The following GPX1 variants were observed in gnomAD, a reference collection of about 807,000 sequenced individuals.
GPX1 encodes GSHPx-1.
Under a neutral mutation model 11.5 loss-of-function variants are expected in GPX1, and 8 were observed. The ratio of observed to expected loss-of-function variants is 0.70; its 90% confidence interval spans 0.41 to 1.25. The LOEUF is 1.25. Among genes scored for constraint, GPX1 ranks in the 50% most tolerant of loss-of-function variants. GPX1 has a pLI of 0.01. For synonymous variants in GPX1, 142 were observed against 127.8 expected (o/e 1.11, Z -0.75); for missense variants, 266 against 284.3 (o/e 0.94, Z 0.46).
rs1484961932 is a variant in GPX1, at chr3:49,358,135, G to A, written c.144C>T (p.Leu48=). 9.3e-6 allele frequency: 15 copies of A among 1,609,276 alleles called. No homozygotes were observed. Among genetic ancestry groups the A allele is most frequent in the Non-Finnish European group, 1.3e-5 (15 of 1,178,912 alleles). Residue 48 remains leucine, a synonymous_variant, in exon 1 of 2, where the codon CTC becomes CTT. Transcript: ENST00000419783. ...KVLLIENVAS[L]UGTTVRDYTQ... Reference sequence around the variant, plus strand: ...TGTAGTCCCGGACCGTGGTGCCTCAGAGGGACGCCACATTCTCGATAAGTA... The same window carrying A: ...TGTAGTCCCGGACCGTGGTGCCTCAAAGGGACGCCACATTCTCGATAAGTA...
In GPX1 at chr3:49,357,496, C is replaced by T; in HGVS notation, c.504G>A (p.Leu168=). 1 of 1,613,754 alleles carries T rather than the reference C, an allele frequency of 6.2e-7. No homozygotes were observed. The highest frequency in any genetic ancestry group is 8.5e-7 in the Non-Finnish European group (1 of 1,179,868). The stretch of plus-strand genomic sequence containing the variant: ...GTAGGGGCACACCGTCAGGGCCCAC[C>T]AGGAACTTCTCAAAGTTCCAGGCAA... ...NDVAWNFEKF[L]VGPDGVPLRR... is the part of the protein sequence containing the mutation. The change falls in exon 2 of 2, where the codon CTG becomes CTA. Residue 168 remains leucine (L), a synonymous_variant. Transcript: ENST00000419783.
Position 49,357,464 on chromosome 3 carries a change from T to C in GPX1, c.536A>G (p.Tyr179Cys), listed in dbSNP as rs1411098660. The change falls in exon 2 of 2, where the codon TAC (tyrosine) becomes TGC (cysteine). Residue 179 changes from tyrosine to cysteine, a missense_variant. Physicochemically the swap from Tyr to Cys is radical, Grantham distance 194 (BLOSUM62 -2). Coordinates refer to ENST00000419783, the MANE Select transcript of GPX1 (RefSeq NM_000581.4). ...VGPDGVPLRR[Y>C]SRRFQTIDIE... Reference sequence around the variant, plus strand: ...GTCAATGGTCTGGAAGCGGCGGCTGTACCTGCGTAGGGGCACACCGTCAGG... The same window carrying C: ...GTCAATGGTCTGGAAGCGGCGGCTGCACCTGCGTAGGGGCACACCGTCAGG... 1.2e-6 allele frequency: 2 copies of C among 1,613,056 alleles called. No homozygotes were observed. Among genetic ancestry groups the C allele is most frequent in the African/African-American group, 2.7e-5 (2 of 74,888 alleles).
intron 1 of GPX1, 104 bp downstream of exon 1, chr3:49,357,923 A>G (rs374515833): frequency 6.7e-7 from 1 of 1,484,446 alleles, no homozygotes; most frequent in East Asian, 2.4e-5. Flanking sequence ...GAGAGTAGCC[A>G]GACTCTCCGC....
In GPX1 at chr3:49,357,334, C is replaced by T; in HGVS notation, c.*54G>A. ...AGGAAACACCCTCATAGATGAAAAC[C>T]CCCCCGAGACAGCAGCACTGCAACT... On this transcript the variant is annotated 3_prime_UTR_variant, in exon 2 of 2. Transcript: ENST00000419783. 6.5e-7 allele frequency: 1 copy of T among 1,539,940 alleles called. No individual in the cohort carries two copies. The highest frequency in any genetic ancestry group is 8.8e-7 in the Non-Finnish European group (1 of 1,130,114).
At chr3:49,357,792 G>A (rs1043196563) in intron 1 of GPX1, 45 bp from the exon 2 acceptor site, 16 of 1,569,672 alleles carry the variant, frequency 1.0e-5, no homozygotes, top group Non-Finnish European at 1.4e-5. Context: ...AAGAGGAGGA[G>A]AGAAACGTTC....
At position 49,358,198 on chromosome 3, in the gene GPX1, C is replaced by T; in HGVS notation, c.81G>A (p.Gly27=). 1.3e-6 allele frequency: 2 copies of T among 1,562,058 alleles called. No individual in the cohort carries two copies. The highest frequency in any genetic ancestry group is 1.7e-6 in the Non-Finnish European group (2 of 1,153,752). The part of the protein sequence containing the change: ...YAFSARPLAG[G]EPVSLGSLRG... ...GCAGGGAGCCCAGGCTCACAGGCTC[C>T]CCGCCGGCCAGCGGGCGCGCCGAGA... is the stretch of plus-strand genomic sequence containing the variant. Residue 27 remains glycine (G), a synonymous_variant, in exon 1 of 2, where the codon GGG becomes GGA. Transcript: ENST00000419783.
chr3:49,357,679 G>A lies in GPX1; in HGVS notation c.321C>T (p.Pro107=). ...CGCACTTCTCGAAGAGCATGAAGTT[G>A]GGCTCGAACCCACCACCAGGCCGGA... is the stretch of plus-strand genomic sequence containing the variant. ...KYVRPGGGFE[P]NFMLFEKCEV... Residue 107 remains proline, a synonymous_variant, in exon 2 of 2, where the codon CCC becomes CCT. Transcript: ENST00000419783. The A allele has an allele frequency of 2.5e-6, 4 of 1,613,050 alleles. No individual in the cohort carries two copies. The highest frequency in any genetic ancestry group is 3.4e-6 in the Non-Finnish European group (4 of 1,179,484).
chr3:49,357,886 C>T, intron 1 of GPX1, 139 bp from the exon 2 acceptor site: 1 of 1,512,124 alleles, frequency 6.6e-7, no homozygotes. Flanking sequence ...GGAATTTCAG[C>T]AGCTACGAGC....
rs772928172 is a variant in GPX1 at position 49,358,226 on chromosome 3, G to A, written c.53C>T (p.Ala18Val). 4.6e-6 allele frequency: 7 copies of A among 1,526,720 alleles called. No individual in the cohort carries two copies. The South Asian group carries it at 6.0e-5, about 13-fold the overall frequency. The allele number at this position is 1,526,720 out of a possible 1,614,324, so 94.6% of individuals were successfully genotyped here. Residue 18 changes from alanine (A) to valine (V), a missense_variant, in exon 1 of 2, where the codon GCC (alanine) becomes GTC (valine). Transcript: ENST00000419783. ...GCCGGCCAGCGGGCGCGCCGAGAAGGCATACACCGACTGGGCCGCCGCCGC... is the reference window on the plus strand; with the variant it reads ...GCCGGCCAGCGGGCGCGCCGAGAAGACATACACCGACTGGGCCGCCGCCGC... ...AAAAAAQSVY[A>V]FSARPLAGGE...
chr3:49,357,974 C>CCA, intron 1 of GPX1, 53 bp downstream of exon 1: 1 of 1,488,710 alleles, frequency 6.7e-7, no homozygotes, highest in Non-Finnish European at 9.2e-7. Context: ...CGCCGGCGCC[C>CCA]CCAGCCACTA....
intron 1 of GPX1, 130 bp from the exon 2 acceptor site, chr3:49,357,877 G>C: frequency 1.3e-6 from 2 of 1,517,632 alleles, no homozygotes; most frequent in Non-Finnish European, 1.8e-6. Context: ...GGGCGGAGAG[G>C]AATTTCAGCA....
In GPX1 at chr3:49,358,180, G is replaced by A. The variant is rs2047883631; in HGVS notation, c.99C>T (p.Gly33=). Residue 33 remains glycine, a synonymous_variant, in exon 1 of 2, where the codon GGC becomes GGT. Coordinates refer to ENST00000419783, the MANE Select transcript of GPX1 (RefSeq NM_000581.4). ...PLAGGEPVSL[G]SLRGKVLLIE... ...TAAGTAGTACCTTGCCCCGCAGGGA[G>A]CCCAGGCTCACAGGCTCCCCGCCGG... is the stretch of plus-strand genomic sequence containing the variant. 1 of 1,579,138 alleles carries A rather than the reference G, an allele frequency of 6.3e-7. No individual in the cohort carries two copies. Among genetic ancestry groups the A allele is most frequent in the Non-Finnish European group, 8.6e-7 (1 of 1,162,920 alleles).
At position 49,358,218 on chromosome 3, in the gene GPX1, C is replaced by A. The variant is rs967628921; in HGVS notation, c.61G>T (p.Ala21Ser). Residue 21 changes from alanine to serine, a missense_variant, in exon 1 of 2, where the codon GCG (alanine) becomes TCG (serine). Ala to Ser is a moderately conservative substitution (Grantham distance 99). Transcript: ENST00000419783. ...AAAQSVYAFS[A>S]RPLAGGEPVS... ...GGCTCCCCGCCGGCCAGCGGGCGCGCCGAGAAGGCATACACCGACTGGGCC... is the reference window on the plus strand; with the variant it reads ...GGCTCCCCGCCGGCCAGCGGGCGCGACGAGAAGGCATACACCGACTGGGCC... 6.5e-7 allele frequency: 1 copy of A among 1,544,402 alleles called. No individual in the cohort carries two copies. Among genetic ancestry groups the A allele is most frequent in the Non-Finnish European group, 8.7e-7 (1 of 1,146,524 alleles).
chr3:49,358,013 T>G lies in GPX1; in HGVS notation c.252+14A>C. On this transcript the variant is annotated intron_variant, in intron 1 of 1. Coordinates refer to ENST00000419783, the MANE Select transcript of GPX1 (RefSeq NM_000581.4). ...CACGTCCGCCCCCGCCCCGCCCCGC[T>G]CCGCCCGGCGCACCTGATGCCCAAA... 1 of 1,602,184 alleles carries G rather than the reference T, an allele frequency of 6.2e-7. No homozygotes were observed. Among genetic ancestry groups the G allele is most frequent in the Non-Finnish European group, 8.5e-7 (1 of 1,175,140 alleles).
At chr3:49,357,939 G>C (rs1193051249) in intron 1 of GPX1, 88 bp downstream of exon 1, 3 of 1,434,976 alleles carry the variant, frequency 2.1e-6, no homozygotes. Context: ...TCCGCGCATG[G>C]AGCCGACGGC....
At chr3:49,357,920 G>A in intron 1 of GPX1, 107 bp downstream of exon 1, 2 of 1,495,544 alleles carry the variant, frequency 1.3e-6, no homozygotes, top group Non-Finnish European at 1.8e-6. Flanking sequence ...CGAGAGAGTA[G>A]CCAGACTCTC....
In GPX1 at chr3:49,357,482, C is replaced by T. The variant is rs1307463839; in HGVS notation, c.518G>A (p.Gly173Asp). ...GCGGCTGTACCTGCGTAGGGGCACA[C>T]CGTCAGGGCCCACCAGGAACTTCTC... ...NFEKFLVGPD[G>D]VPLRRYSRRF... The change falls in exon 2 of 2, where the codon GGT becomes GAT. Residue 173 changes from glycine to aspartate, a missense_variant. Coordinates refer to ENST00000419783, the MANE Select transcript of GPX1 (RefSeq NM_000581.4). 1.1e-5 allele frequency: 18 copies of T among 1,613,384 alleles called. No individual in the cohort carries two copies. Among genetic ancestry groups the T allele is most frequent in the African/African-American group, 1.3e-5 (1 of 74,904 alleles).
intron 1 of GPX1, 90 bp from the exon 2 acceptor site, chr3:49,357,837 C>T (rs1443339194): frequency 6.5e-7 from 1 of 1,528,980 alleles, no homozygotes; most frequent in Non-Finnish European, 8.8e-7. Flanking sequence ...TATGAGTCAC[C>T]GGGATTTTGC....
chr3:49,357,965 G>C (rs1359333052), intron 1 of GPX1, 62 bp downstream of exon 1: 2 of 1,537,724 alleles, frequency 1.3e-6, no homozygotes, highest in Non-Finnish European at 1.8e-6. Flanking sequence ...CCAGCACACC[G>C]CCGGCGCCCC....
Sources: allele counts gnomAD v4.1 joint callset, GRCh38; gene constraint gnomAD v4.1.1; transcripts MANE v1.5; gene names NCBI Gene and HGNC (gene_info 2026-07-23, HGNC 2026-07-21).